The following CELF2 variants were observed in gnomAD, a reference collection of about 807,000 sequenced individuals.
The protein encoded by CELF2 is CUG triplet repeat RNA-binding protein 2.
CELF2 carries 8 observed loss-of-function variants against 62.6 expected under a neutral mutation model. The observed-to-expected ratio is 0.13, with a 90% CI of 0.07 to 0.23. The LOEUF is 0.23. CELF2 is among the 10% of genes least tolerant of loss of function. The pLI is 1.00. For synonymous variants in CELF2, 258 were observed against 250.0 expected (o/e 1.03, Z -0.30); for missense variants, 333 against 671.0 (o/e 0.50, Z 5.56).
intron 1 of CELF2, among the ~76,000 whole-genome samples, chr10:11,144,072 A>G (rs1596081159): frequency 6.6e-6 from 1 of 151,786 alleles, no homozygotes; most frequent in Non-Finnish European, 1.5e-5. Context: ...TTCACTCTCT[A>G]GGCCTCTGGT....
intron 9 of CELF2, among the ~76,000 whole-genome samples, chr10:11,294,690 A>G (rs998246412): frequency 6.6e-6 from 1 of 152,210 alleles, no homozygotes; most frequent in Non-Finnish European, 1.5e-5. Context: ...AGGCGGGTGG[A>G]TCACGAGGTC....
intron 2 of CELF2, among the ~76,000 whole-genome samples, chr10:10,967,032 T>C (rs184256591): frequency 6.2e-4 from 95 of 152,330 alleles, no homozygotes; most frequent in Non-Finnish European, 9.6e-4. Context: ...CAGAGTTTAA[T>C]TGAGCAAAGA....
chr10:10,715,083 G>T, the CELF2 span, among the ~76,000 whole-genome samples: 5 of 152,122 alleles, frequency 3.3e-5, no homozygotes, highest in Non-Finnish European at 7.4e-5. Flanking sequence ...CAATTGAAGA[G>T]CTCCCAGAAA....
rs371956894 is a variant in CELF2 at position 11,321,659 on chromosome 10, G to A, written c.1294+273G>A. The stretch of plus-strand genomic sequence containing the variant: ...ATGGTCATGCCTGTGACTAGCCACT[G>A]CACTCCATTCGGGGAACACAGACAT... On this transcript the variant is annotated intron_variant, in intron 11 of 12. Transcript: ENST00000633077. The surrounding 1 kb of genome is among the most constrained non-coding windows in gnomAD (Gnocchi z 6.2). 7.9e-5 allele frequency among the ~76,000 whole-genome samples: 12 copies of A among 152,272 alleles called. No individual in the cohort carries two copies. In the South Asian group the frequency reaches 2.5e-3, roughly 32 times the overall value.
At chr10:10,737,341 G>T in the CELF2 span, among the ~76,000 whole-genome samples, 3 of 152,116 alleles carry the variant, frequency 2.0e-5, no homozygotes, top group Admixed American at 1.3e-4. Context: ...TTTGCATGAG[G>T]AATTACTAAG....
the CELF2 span, among the ~76,000 whole-genome samples, chr10:10,691,433 T>C: frequency 6.8e-6 from 1 of 147,568 alleles, no homozygotes; most frequent in East Asian, 2.0e-4. Context: ...TGGTTCCAAG[T>C]CTTTGCTATT....
chr10:10,756,817 A>G, the CELF2 span, among the ~76,000 whole-genome samples: 1 of 152,190 alleles, frequency 6.6e-6, no homozygotes, highest in Non-Finnish European at 1.5e-5. Flanking sequence ...AATTTTTGCT[A>G]TTTGCTGGAC....
At chr10:10,632,254 CAA>C in the CELF2 span, among the ~76,000 whole-genome samples, 8 of 152,268 alleles carry the variant, frequency 5.3e-5, no homozygotes, top group Admixed American at 1.3e-4. Flanking sequence ...GAGACAGATG[CAA>C]AGAGTTGGGG....
chr10:10,761,743 T>G, the CELF2 span, among the ~76,000 whole-genome samples: 1 of 152,222 alleles, frequency 6.6e-6, no homozygotes, highest in Admixed American at 6.5e-5. Context: ...TTGAGCCTGC[T>G]GGCTTCCAGA....
At chr10:11,037,075 TA>T (rs2061071329) in intron 1 of CELF2, among the ~76,000 whole-genome samples, 1 of 151,534 alleles carries the variant, frequency 6.6e-6, no homozygotes, top group African/African-American at 2.4e-5. Flanking sequence ...ACACTGCTAA[TA>T]AAGAAAGATG....
the CELF2 span, among the ~76,000 whole-genome samples, chr10:10,591,822 G>T: frequency 1.3e-5 from 2 of 152,280 alleles, no homozygotes; most frequent in African/African-American, 4.8e-5. Context: ...TGTGTATTTA[G>T]AACCCAAAGT....
At chr10:10,958,686 T>A (rs2049156824) in intron 2 of CELF2, among the ~76,000 whole-genome samples, 1 of 151,430 alleles carries the variant, frequency 6.6e-6, no homozygotes, top group Non-Finnish European at 1.5e-5. Context: ...CTAGAAAAAA[T>A]TTAAAAATTA....
At chr10:10,515,478 A>G in the CELF2 span, among the ~76,000 whole-genome samples, 2 of 152,220 alleles carry the variant, frequency 1.3e-5, no homozygotes, top group African/African-American at 2.4e-5. Context: ...TTTAATAATA[A>G]GGAAAAACAA....
chr10:11,332,523 A>G lies in CELF2; in HGVS notation c.*3470A>G, dbSNP rs1473341000. On this transcript the variant is annotated 3_prime_UTR_variant, in exon 13 of 13. Transcript: ENST00000633077. The stretch of plus-strand genomic sequence containing the variant: ...ATACCTAGCACCAGTTCCTGCTGCC[A>G]CTTTTTAAAGTGCCATATGACTTTC... 1 of 152,196 alleles carries G rather than the reference A, an allele frequency of 6.6e-6. No individual in the cohort carries two copies. Among genetic ancestry groups the G allele is most frequent in the Admixed American group, 6.6e-5 (1 of 15,260 alleles). 9.4% of individuals were successfully genotyped at this position (152,196 alleles called of 1,614,324 possible).
At chr10:11,086,018 TAGG>T in intron 1 of CELF2, among the ~76,000 whole-genome samples, 1 of 152,310 alleles carries the variant, frequency 6.6e-6, no homozygotes, top group Non-Finnish European at 1.5e-5. Context: ...TGAAAGTGCT[TAGG>T]AGAACTTCAT....
chr10:10,611,860 G>A, the CELF2 span, among the ~76,000 whole-genome samples: 549 of 152,296 alleles, frequency 3.6e-3, 3 homozygotes, highest in African/African-American at 0.013. Flanking sequence ...AAACGCAAAA[G>A]AGGCAAGAAC....
chr10:11,131,986 C>G (rs1452190491), intron 1 of CELF2, among the ~76,000 whole-genome samples: 1 of 152,184 alleles, frequency 6.6e-6, no homozygotes, highest in Non-Finnish European at 1.5e-5. Context: ...CTGCATTCAT[C>G]AATAAAACCG....
intron 1 of CELF2, among the ~76,000 whole-genome samples, chr10:10,858,619 T>C (rs919304524): frequency 2.0e-5 from 3 of 152,182 alleles, no homozygotes; most frequent in African/African-American, 7.2e-5. Context: ...ATCTACTCCA[T>C]TAGAATTAAA....
chr10:10,864,377 C>T (rs2060226551), intron 1 of CELF2, among the ~76,000 whole-genome samples: 1 of 152,084 alleles, frequency 6.6e-6, no homozygotes, highest in South Asian at 2.1e-4. Flanking sequence ...ATTTATTTGC[C>T]ACTCTTGACT....
Sources: gnomAD v4.1 joint callset for allele counts (sites outside exome capture counted in the v4.1 genomes callset) on GRCh38, gnomAD v4.1.1 for gene constraint, Gnocchi (gnomAD v3.1) non-coding constraint, MANE v1.5 for transcripts, NCBI Gene and HGNC (gene_info 2026-07-23, HGNC 2026-07-21) for gene names.